Variants in CCDC178 observed in about 807,000 individuals in gnomAD.
CCDC178 encodes coiled-coil domain containing 178, also known as coiled-coil domain-containing protein 178.
In CCDC178, 126 loss-of-function variants were observed where a neutral mutation model predicts 117.4. The ratio of observed to expected loss-of-function variants is 1.07; its 90% confidence interval spans 0.93 to 1.24. The LOEUF (loss-of-function observed/expected upper bound fraction) is 1.24. Ranked by LOEUF, CCDC178 falls within the 50% of genes most tolerant of loss-of-function variation. The pLI, the probability that CCDC178 is intolerant of heterozygous loss-of-function variation, is 0.00. For synonymous variants in CCDC178, 283 were observed against 313.4 expected (o/e 0.90, Z 1.02); for missense variants, 1,030 against 986.9 (o/e 1.04, Z -0.59).
intron 4 of CCDC178, among the ~76,000 whole-genome samples, chr18:33,394,697 T>C (rs1318734918): frequency 6.6e-6 from 1 of 151,500 alleles, no homozygotes; most frequent in East Asian, 1.9e-4. Context: ...GGAATATATA[T>C]TAAATAGTAC....
At chr18:33,413,424 G>T (rs1283342242) in intron 2 of CCDC178, among the ~76,000 whole-genome samples, 1 of 151,682 alleles carries the variant, frequency 6.6e-6, no homozygotes, top group Non-Finnish European at 1.5e-5. Context: ...GAAGATTATA[G>T]TTAAAACATA....
In CCDC178 at chr18:33,425,838, T is replaced by A. The variant is rs1289274586; in HGVS notation, c.-22-13728A>T. Among the ~76,000 whole-genome samples the A allele has an allele frequency of 2.0e-5, 3 of 152,136 alleles. No homozygotes were observed. In the East Asian group the frequency reaches 5.8e-4, roughly 29 times the overall value. On this transcript the variant is annotated intron_variant, in intron 2 of 22. Transcript: ENST00000383096. ...ATTTCTAGAGGCTCTCTTCCAAAAA[T>A]AGCAGTCAGATTAACAGGTGGTGGT... is the stretch of plus-strand genomic sequence containing the variant.
Position 33,172,137 on chromosome 18 carries a change from C to T in CCDC178, c.2238+39759G>A, listed in dbSNP as rs556260460. On this transcript the variant is annotated intron_variant, in intron 20 of 22. Coordinates refer to ENST00000383096, the MANE Select transcript of CCDC178 (RefSeq NM_001105528.4). ...GTTGATCAGGCTGGTCTCGACGATC[C>T]ACCTGCCTCGGCCTCCCAAAATGCT... 5.9e-5 allele frequency among the ~76,000 whole-genome samples: 9 copies of T among 152,074 alleles called. No individual in the cohort carries two copies. The South Asian group carries it at 1.9e-3, about 32-fold the overall frequency.
chr18:33,308,232 C>T (rs1174192437), intron 11 of CCDC178, among the ~76,000 whole-genome samples: 1 of 152,224 alleles, frequency 6.6e-6, no homozygotes. Context: ...CATGGGAGGC[C>T]ACCTCTTGCA....
At chr18:33,125,854 A>G (rs1186152284) in intron 20 of CCDC178, among the ~76,000 whole-genome samples, 1 of 152,164 alleles carries the variant, frequency 6.6e-6, no homozygotes, top group Non-Finnish European at 1.5e-5. Flanking sequence ...AAAGAAGCTT[A>G]ATGTCCCAGA....
At chr18:32,969,451 T>C (rs1419269325) in intron 22 of CCDC178, among the ~76,000 whole-genome samples, 1 of 152,062 alleles carries the variant, frequency 6.6e-6, no homozygotes, top group Non-Finnish European at 1.5e-5. Context: ...AATTTATTCC[T>C]GTTGACCCTA....
rs556214446 is a variant in CCDC178 at position 33,016,889 on chromosome 18, C to T, written c.2389-42208G>A. Among the ~76,000 whole-genome samples the T allele has an allele frequency of 4.0e-5, 6 of 151,868 alleles. No homozygotes were observed. In the East Asian group the frequency reaches 1.2e-3, roughly 29 times the overall value. ...CATTTAGAAAAACTTAGCAAAATGA[C>T]AGATGCAGAAAAAACATTTGGCAAT... On this transcript the variant is annotated intron_variant, in intron 21 of 22. Coordinates refer to ENST00000383096, the MANE Select transcript of CCDC178 (RefSeq NM_001105528.4).
At chr18:33,042,017 T>C (rs1191256675) in intron 21 of CCDC178, among the ~76,000 whole-genome samples, 1 of 151,936 alleles carries the variant, frequency 6.6e-6, no homozygotes, top group Non-Finnish European at 1.5e-5. Context: ...AAAGGAAGAA[T>C]AGCGTTGGAA....
chr18:33,087,248 T>C (rs866825434), intron 21 of CCDC178, among the ~76,000 whole-genome samples: 1 of 152,156 alleles, frequency 6.6e-6, no homozygotes, highest in African/African-American at 2.4e-5. Context: ...GACTGAATAA[T>C]TGGTTTGATT....
intron 21 of CCDC178, among the ~76,000 whole-genome samples, chr18:33,027,017 C>T (rs1457093166): frequency 6.6e-6 from 1 of 151,734 alleles, no homozygotes; most frequent in Non-Finnish European, 1.5e-5. Context: ...ACTAACTATA[C>T]AAAAGGATAA....
At position 33,388,920 on chromosome 18, in the gene CCDC178, T is replaced by G. The variant is rs147376920; in HGVS notation, c.208+620A>C. ...ACCAAACACTGCATGTTCTCACTTA[T>G]AAGTGGGAGCTGAACAATGAGAGCA... On this transcript the variant is annotated intron_variant, in intron 5 of 22. Coordinates refer to ENST00000383096, the MANE Select transcript of CCDC178 (RefSeq NM_001105528.4). 9.4e-4 allele frequency among the ~76,000 whole-genome samples: 143 copies of G among 152,020 alleles called. 1 individual carries two copies. The East Asian group carries it at 0.024, about 26-fold the overall frequency.
chr18:33,198,327 G>T (rs1224014426), intron 20 of CCDC178, among the ~76,000 whole-genome samples: 1 of 152,110 alleles, frequency 6.6e-6, no homozygotes, highest in African/African-American at 2.4e-5. Context: ...TAAACAAATA[G>T]AAATGAACTA....
At chr18:33,252,049 T>C (rs1168108833) in intron 14 of CCDC178, among the ~76,000 whole-genome samples, 1 of 151,776 alleles carries the variant, frequency 6.6e-6, no homozygotes, top group Non-Finnish European at 1.5e-5. Flanking sequence ...GTCATCATAG[T>C]GTCAAATATT....
intron 20 of CCDC178, among the ~76,000 whole-genome samples, chr18:33,158,535 A>G (rs1568024525): frequency 6.6e-6 from 1 of 152,098 alleles, no homozygotes; most frequent in Non-Finnish European, 1.5e-5. Flanking sequence ...TTAAAAAGGG[A>G]AAATTTTAGA....
intron 20 of CCDC178, among the ~76,000 whole-genome samples, chr18:33,187,508 A>G (rs1380488758): frequency 6.6e-6 from 1 of 152,144 alleles, no homozygotes; most frequent in East Asian, 1.9e-4. Context: ...TTCTAGGCTT[A>G]TAACCAGACT....
chr18:33,099,842 GCCATGGAAA>G (rs1164485625), intron 20 of CCDC178, among the ~76,000 whole-genome samples: 6 of 151,950 alleles, frequency 3.9e-5, no homozygotes, highest in Admixed American at 3.9e-4. Context: ...TGTCTGTGCT[GCCATGGAAA>G]CCATTCTCTT....
chr18:33,010,577 A>G (rs993330067), intron 21 of CCDC178, among the ~76,000 whole-genome samples: 19 of 152,218 alleles, frequency 1.2e-4, no homozygotes, highest in African/African-American at 4.6e-4. Context: ...AATTTTTGGC[A>G]TGCTTGTAAA....
intron 20 of CCDC178, among the ~76,000 whole-genome samples, chr18:33,205,787 C>A (rs535712085): frequency 2.6e-5 from 4 of 152,200 alleles, no homozygotes; most frequent in South Asian, 2.1e-4. Flanking sequence ...CTCAACCTCC[C>A]GGGCTCAGGT....
chr18:33,025,494 T>C (rs1452115573), intron 21 of CCDC178, among the ~76,000 whole-genome samples: 1 of 151,930 alleles, frequency 6.6e-6, no homozygotes, highest in Non-Finnish European at 1.5e-5. Flanking sequence ...TGTAAGTCAC[T>C]CACCTGAAAA....
Sources: gnomAD v4.1 joint callset for allele counts (sites outside exome capture counted in the v4.1 genomes callset) on GRCh38, gnomAD v4.1.1 for gene constraint, MANE v1.5 for transcripts, NCBI Gene and HGNC (gene_info 2026-07-23, HGNC 2026-07-21) for gene names.